Variants in ZNF804B observed in about 807,000 individuals in gnomAD.
ZNF804B encodes zinc finger protein 804B.
Under a neutral mutation model 101.4 loss-of-function variants are expected in ZNF804B, and 80 were observed. The ratio of observed to expected loss-of-function variants is 0.79; its 90% confidence interval spans 0.66 to 0.95. The LOEUF is 0.95. Among genes scored for constraint, ZNF804B ranks in the 40% least tolerant of loss-of-function variants. The pLI is 0.00. For missense variants in ZNF804B, 1,673 were observed against 1,561.9 expected (o/e 1.07, Z -1.20); for synonymous variants, 622 against 558.8 (o/e 1.11, Z -1.59).
intron 1 of ZNF804B, among the ~76,000 whole-genome samples, chr7:88,801,772 G>A (rs1443459903): frequency 6.6e-6 from 1 of 151,884 alleles, no homozygotes; most frequent in Non-Finnish European, 1.5e-5. Context: ...AAAGAACTTT[G>A]AAAAAATGAA....
chr7:89,124,044 C>T (rs532257142), intron 1 of ZNF804B, among the ~76,000 whole-genome samples: 1 of 152,216 alleles, frequency 6.6e-6, no homozygotes, highest in Non-Finnish European at 1.5e-5. Context: ...TTGAATTGTG[C>T]CATAACTCTT....
chr7:89,219,310 A>ACAC (rs1788945267), intron 2 of ZNF804B, among the ~76,000 whole-genome samples: 49 of 150,060 alleles, frequency 3.3e-4, no homozygotes, highest in African/African-American at 1.2e-3. Flanking sequence ...TTGGGAAAGC[A>ACAC]ATTCTCAATA....
At chr7:88,900,534 T>G (rs938768494) in intron 1 of ZNF804B, among the ~76,000 whole-genome samples, 1 of 148,350 alleles carries the variant, frequency 6.7e-6, no homozygotes, top group Non-Finnish European at 1.5e-5. Context: ...TTAAATTTGG[T>G]CATTCCAAAA....
rs1438451856 is a variant in ZNF804B, at chr7:89,336,592, A to G, written c.3610A>G (p.Thr1204Ala). 1 of 1,614,012 alleles carries G rather than the reference A, an allele frequency of 6.2e-7. No individual in the cohort carries two copies. Among genetic ancestry groups the G allele is most frequent in the African/African-American group, 1.3e-5 (1 of 75,002 alleles). Residue 1204 changes from threonine to alanine, a missense_variant, in exon 4 of 4, where the codon ACT becomes GCT. Thr to Ala is a moderately conservative substitution (Grantham distance 58). Coordinates refer to ENST00000333190, the MANE Select transcript of ZNF804B (RefSeq NM_181646.5). ...TVQTVPVHQH[T>A]SITTIHHTFL... ...ACAGACAGTTCCAGTTCACCAGCACACTTCTATCACCACCATCCACCACAC... is the reference window on the plus strand; with the variant it reads ...ACAGACAGTTCCAGTTCACCAGCACGCTTCTATCACCACCATCCACCACAC...
chr7:88,983,325 C>T (rs1313085907), intron 1 of ZNF804B, among the ~76,000 whole-genome samples: 2 of 152,024 alleles, frequency 1.3e-5, no homozygotes, highest in East Asian at 1.9e-4. Flanking sequence ...TTTTAGTGGA[C>T]ATCATAATCA....
chr7:89,334,999 T>A lies in ZNF804B; in HGVS notation c.2017T>A (p.Phe673Ile). The A allele has an allele frequency of 6.2e-7, 1 of 1,613,842 alleles. No homozygotes were observed. Residue 673 changes from phenylalanine (F) to isoleucine (I), a missense_variant, in exon 4 of 4, where the codon TTC (phenylalanine) becomes ATC (isoleucine). Transcript: ENST00000333190. The part of the protein sequence containing the change: ...VGGHSDHGKD[F>I]SVILKSNHIS... ...GGGTCACAGTGACCATGGGAAAGAC[T>A]TCAGTGTAATTTTGAAGAGTAACCA...
At chr7:89,216,685 G>T (rs748629897) in intron 1 of ZNF804B, among the ~76,000 whole-genome samples, 8 of 151,954 alleles carry the variant, frequency 5.3e-5, no homozygotes, top group Non-Finnish European at 7.4e-5. Flanking sequence ...TTATATTTGG[G>T]CTTAAATCAT....
intron 1 of ZNF804B, among the ~76,000 whole-genome samples, chr7:88,993,682 A>T (rs1793880064): frequency 6.6e-6 from 1 of 152,052 alleles, no homozygotes; most frequent in African/African-American, 2.4e-5. Context: ...GTGAAAATTC[A>T]TGTACATGCC....
At chr7:89,276,665 G>A (rs991759114) in intron 2 of ZNF804B, among the ~76,000 whole-genome samples, 4 of 151,814 alleles carry the variant, frequency 2.6e-5, no homozygotes, top group African/African-American at 9.7e-5. Flanking sequence ...ATGTAATTGA[G>A]TTTTGCTTTC....
intron 1 of ZNF804B, among the ~76,000 whole-genome samples, chr7:88,793,499 C>T (rs77384301): frequency 8.4e-4 from 127 of 151,960 alleles, no homozygotes; most frequent in African/African-American, 2.9e-3. Context: ...CATTTCATTC[C>T]GAATAGCTAT....
intron 1 of ZNF804B, among the ~76,000 whole-genome samples, chr7:89,214,550 A>G (rs954897129): frequency 6.6e-6 from 1 of 152,086 alleles, no homozygotes; most frequent in African/African-American, 2.4e-5. Context: ...CTTCAGGCCT[A>G]TTTTTTCAGT....
intron 1 of ZNF804B, among the ~76,000 whole-genome samples, chr7:89,036,830 A>C (rs1283461009): frequency 1.3e-5 from 2 of 152,080 alleles, no homozygotes; most frequent in East Asian, 3.9e-4. Context: ...ATTTTTTTGA[A>C]TAAAGGGCCA....
chr7:89,076,866 G>A (rs571528268), intron 1 of ZNF804B, among the ~76,000 whole-genome samples: 15 of 152,146 alleles, frequency 9.9e-5, no homozygotes, highest in Non-Finnish European at 2.1e-4. Flanking sequence ...CTGGGAATAG[G>A]AGGGATTTAC....
intron 1 of ZNF804B, among the ~76,000 whole-genome samples, chr7:88,969,306 T>C (rs1358672584): frequency 6.6e-6 from 1 of 151,640 alleles, no homozygotes; most frequent in East Asian, 2.0e-4. Flanking sequence ...TGATGTTCAA[T>C]TGCGTTTTAT....
chr7:89,083,871 TA>T (rs1157098358), intron 1 of ZNF804B, among the ~76,000 whole-genome samples: 1 of 151,924 alleles, frequency 6.6e-6, no homozygotes, highest in Non-Finnish European at 1.5e-5. Context: ...ATACTTCAGA[TA>T]TGAGTAGGAC....
At chr7:88,880,442 G>A (rs900320596) in intron 1 of ZNF804B, among the ~76,000 whole-genome samples, 4 of 152,066 alleles carry the variant, frequency 2.6e-5, no homozygotes, top group African/African-American at 7.2e-5. Flanking sequence ...CAAAAACACC[G>A]TGGTTATAAT....
chr7:88,826,145 G>T (rs1387943527), intron 1 of ZNF804B, among the ~76,000 whole-genome samples: 1 of 152,104 alleles, frequency 6.6e-6, no homozygotes, highest in Non-Finnish European at 1.5e-5. Flanking sequence ...ATACAGAATT[G>T]TCTGAAAAAC....
Position 89,117,020 on chromosome 7 carries a change from A to G in ZNF804B, c.109-101135A>G, listed in dbSNP as rs986812951. Among the ~76,000 whole-genome samples, 6 of 152,192 alleles carry G rather than the reference A, an allele frequency of 3.9e-5. No homozygotes were observed. In the South Asian group the frequency reaches 6.2e-4, roughly 16 times the overall value. ...GCAGCTTTGACCACACAGAGAAGGCAACAGGAGAAAATAGAACTGAGAGAG... is the reference window on the plus strand; with the variant it reads ...GCAGCTTTGACCACACAGAGAAGGCGACAGGAGAAAATAGAACTGAGAGAG... On this transcript the variant is annotated intron_variant, in intron 1 of 3. Coordinates refer to ENST00000333190, the MANE Select transcript of ZNF804B (RefSeq NM_181646.5).
chr7:88,781,853 C>T (rs1048848417), intron 1 of ZNF804B, among the ~76,000 whole-genome samples: 1 of 152,066 alleles, frequency 6.6e-6, no homozygotes, highest in African/African-American at 2.4e-5. Context: ...GAGACAAAAA[C>T]CCCCGCGACA....
Sources: gnomAD v4.1 joint callset for allele counts (sites outside exome capture counted in the v4.1 genomes callset) on GRCh38, gnomAD v4.1.1 for gene constraint, MANE v1.5 for transcripts, NCBI Gene and HGNC (gene_info 2026-07-23, HGNC 2026-07-21) for gene names.